Variants in KLHL11 observed in about 807,000 individuals in gnomAD.
KLHL11 encodes kelch-like protein 11.
In KLHL11, 26 loss-of-function variants were observed where a neutral mutation model predicts 56.1. The observed-to-expected ratio is 0.46, with a 90% CI of 0.34 to 0.64. The LOEUF is 0.64. KLHL11 is among the 30% of genes least tolerant of loss of function. The pLI is 0.01. For synonymous variants in KLHL11, 338 were observed against 345.8 expected, an observed-to-expected ratio of 0.98 and a Z score of 0.25; for missense variants, 627 against 919.4, an observed-to-expected ratio of 0.68 and a Z score of 4.11.
chr17:41,855,401 C>T, intron 1 of KLHL11, 80 bp from the exon 2 acceptor site: 1 of 1,063,740 alleles, frequency 9.4e-7, no homozygotes, highest in Non-Finnish European at 1.3e-6. Flanking sequence ...TTTTTTGAGA[C>T]AGGGTCTCAC....
At chr17:41,861,686 C>CAAAAAAAAAAAAA (rs71155178) in intron 1 of KLHL11, among the ~76,000 whole-genome samples, 1 of 61,870 alleles carries the variant, frequency 1.6e-5, no homozygotes, top group African/African-American at 6.6e-5. Flanking sequence ...ACTCTTGTCT[C>CAAAAAAAAAAAAA]AAAAAAAAAA....
rs2048358612 is a variant in KLHL11 at position 41,855,421 on chromosome 17, C to T, written c.546-100G>A. ...TGAGACAGGGTCTCACTCTGCCACC[C>T]AGGTTGGAGTGCAGTGGCGTGATCT... On this transcript the variant is annotated intron_variant, in intron 1 of 1. Transcript: ENST00000319121. 1.8e-5 allele frequency: 15 copies of T among 845,234 alleles called. No homozygotes were observed. The East Asian group carries it at 4.0e-4, about 22-fold the overall frequency. 52.4% of individuals were successfully genotyped at this position (845,234 alleles called of 1,614,324 possible). A position where few individuals can be genotyped will look rare whatever the true frequency, so the allele number is the denominator to read the frequency against.
At chr17:41,858,419 TG>T (rs1373274821) in intron 1 of KLHL11, among the ~76,000 whole-genome samples, 14 of 97,276 alleles carry the variant, frequency 1.4e-4, no homozygotes, top group Non-Finnish European at 2.9e-4. Flanking sequence ...TTGTTGTTGT[TG>T]TTGTTGTTGT....
Position 41,854,699 on chromosome 17 carries a change from G to T in KLHL11, c.1168C>A (p.Leu390Met). The T allele has an allele frequency of 1.9e-6, 3 of 1,614,054 alleles. No individual in the cohort carries two copies. The highest frequency in any genetic ancestry group is 2.2e-5 in the East Asian group (1 of 44,876). ...YFVDEDRWVN[L>M]PHIHNHLDGH... is the part of the protein sequence containing the mutation. ...TCGAGGTGATTATGAATATGTGGCA[G>T]ATTTACCCATCTGTCCTCATCAACA... The change falls in exon 2 of 2, where the codon CTG becomes ATG. Residue 390 changes from leucine (L) to methionine (M), a missense_variant. By Grantham distance (15) the Leu-to-Met change is conservative. Coordinates refer to ENST00000319121, the MANE Select transcript of KLHL11 (RefSeq NM_018143.3). The surrounding 1 kb of genome is among the most constrained non-coding windows in gnomAD (Gnocchi z 4.9).
chr17:41,853,897 C>G lies in KLHL11; in HGVS notation c.1970G>C (p.Cys657Ser), dbSNP rs781940858. 6.2e-6 allele frequency: 10 copies of G among 1,614,182 alleles called. No homozygotes were observed. The highest frequency in any genetic ancestry group is 8.5e-6 in the Non-Finnish European group (10 of 1,180,038). ...GTACCGGTATGGGATCCTCACGTGA[C>G]AAGCAGTGGCTCTACAACGAGGTTG... ...MPQPRCRATACHVRIPYRYLH... is the reference protein window; with the variant it reads ...MPQPRCRATASHVRIPYRYLH... The change falls in exon 2 of 2, where the codon TGT (cysteine) becomes TCT (serine). Residue 657 changes from cysteine (C) to serine (S), a missense_variant. This residue lies in a region of KLHL11 where 250 missense variants were observed against 360.6 expected (regional missense o/e 0.69). Transcript: ENST00000319121.
chr17:41,858,146 C>T (rs894902444), intron 1 of KLHL11, among the ~76,000 whole-genome samples: 2 of 151,378 alleles, frequency 1.3e-5, no homozygotes, highest in Non-Finnish European at 2.9e-5. Flanking sequence ...TTAATTTGTC[C>T]TTGGCAAAGG....
At chr17:41,855,873 C>A (rs561424635) in intron 1 of KLHL11, among the ~76,000 whole-genome samples, 23 of 147,660 alleles carry the variant, frequency 1.6e-4, no homozygotes, top group African/African-American at 5.8e-4. Context: ...ACAGGGTTCA[C>A]CATATTGGCC....
chr17:41,861,498 C>T (rs918851184), intron 1 of KLHL11, among the ~76,000 whole-genome samples: 1 of 151,958 alleles, frequency 6.6e-6, no homozygotes, highest in Middle Eastern at 3.4e-3. Context: ...CCAGCCTGGC[C>T]GATACAGTGA....
chr17:41,859,489 C>T (rs1164441129), intron 1 of KLHL11, among the ~76,000 whole-genome samples: 2 of 151,680 alleles, frequency 1.3e-5, no homozygotes, highest in Non-Finnish European at 1.5e-5. Flanking sequence ...CGCTTGAACC[C>T]GGGAGGTGGA....
In KLHL11 at chr17:41,855,077, C is replaced by A; in HGVS notation, c.790G>T (p.Glu264Ter). Residue 264 changes from glutamate to a stop codon, truncating the protein, a stop_gained, in exon 2 of 2, where the codon GAG becomes TAG. Transcript: ENST00000319121. LOFTEE classifies it high-confidence loss of function. ...TTCAAAACGGTTTCAAAGAGAACCT[C>A]TTCAGAATCAACTGTAATTTCCAAA... is the stretch of plus-strand genomic sequence containing the variant. ...SDLEITVDSEEVLFETVLKWV... is the reference protein window; with the variant it reads ...SDLEITVDSE 6.2e-7 allele frequency: 1 copy of A among 1,614,186 alleles called. No homozygotes were observed. Among genetic ancestry groups the A allele is most frequent in the Non-Finnish European group, 8.5e-7 (1 of 1,180,036 alleles).
Position 41,852,243 on chromosome 17 carries a change from T to C in KLHL11, c.*1497A>G, listed in dbSNP as rs2048336037. On this transcript the variant is annotated 3_prime_UTR_variant, in exon 2 of 2. Coordinates refer to ENST00000319121, the MANE Select transcript of KLHL11 (RefSeq NM_018143.3). ...TGTTTCCCAGGCTGGTCTTGAACTC[T>C]TGGGCTCAAAATCTGCCCACCTCAG... Among the ~76,000 whole-genome samples the C allele has an allele frequency of 6.6e-6, 1 of 151,936 alleles. No individual in the cohort carries two copies. Among genetic ancestry groups the C allele is most frequent in the South Asian group, 2.1e-4 (1 of 4,816 alleles).
intron 1 of KLHL11, among the ~76,000 whole-genome samples, chr17:41,856,848 T>C (rs1555622600): frequency 6.6e-6 from 1 of 151,554 alleles, no homozygotes; most frequent in Non-Finnish European, 1.5e-5. Flanking sequence ...GGTGAAACCT[T>C]GTCTCTAATA....
chr17:41,854,003 C>T lies in KLHL11; in HGVS notation c.1864G>A (p.Asp622Asn), dbSNP rs2048348317. The stretch of plus-strand genomic sequence containing the variant: ...TCTTTCCGATACTGTTTATCAATAT[C>T]ATCACTGTTTTTCCAGCCTCCTATA... ...FIIGGWKNSD[D>N]IDKQYRKEAY... is the part of the protein sequence containing the mutation. Residue 622 changes from aspartate to asparagine, a missense_variant, in exon 2 of 2, where the codon GAT becomes AAT. By Grantham distance (23) the Asp-to-Asn change is conservative. This residue lies in a region of KLHL11 where 250 missense variants were observed against 360.6 expected (regional missense o/e 0.69). Transcript: ENST00000319121. The surrounding 1 kb of genome is among the most constrained non-coding windows in gnomAD (Gnocchi z 4.9). 2 of 1,614,174 alleles carry T rather than the reference C, an allele frequency of 1.2e-6. No individual in the cohort carries two copies. The highest frequency in any genetic ancestry group is 1.7e-6 in the Non-Finnish European group (2 of 1,180,022).
rs1438558686 is a variant in KLHL11 at position 41,852,992 on chromosome 17, T to C, written c.*748A>G. 4.6e-5 allele frequency among the ~76,000 whole-genome samples: 7 copies of C among 152,240 alleles called. No individual in the cohort carries two copies. The highest frequency in any genetic ancestry group is 1.7e-4 in the African/African-American group (7 of 41,466). On this transcript the variant is annotated 3_prime_UTR_variant, in exon 2 of 2. Transcript: ENST00000319121. ...CAGTCTACACTAATACTTTTCTTCT[T>C]AGAGAAACAAAGTTCACACATGTAA...
At chr17:41,856,197 GC>G (rs1162457704) in intron 1 of KLHL11, among the ~76,000 whole-genome samples, 2 of 151,938 alleles carry the variant, frequency 1.3e-5, no homozygotes, top group East Asian at 3.9e-4. Context: ...CACCATGTTG[GC>G]CAGGCTGGTC....
In KLHL11 at chr17:41,852,689, G is replaced by A. The variant is rs2048338843; in HGVS notation, c.*1051C>T. Among the ~76,000 whole-genome samples the A allele has an allele frequency of 6.6e-6, 1 of 151,368 alleles. No individual in the cohort carries two copies. Among genetic ancestry groups the A allele is most frequent in the Admixed American group, 6.6e-5 (1 of 15,172 alleles). On this transcript the variant is annotated 3_prime_UTR_variant, in exon 2 of 2. Transcript: ENST00000319121. ...ACCTGTAATCCCAGCTACTCGGGAT[G>A]CTGAGGCAAGAGAATCACTCGAACC...
Position 41,858,526 on chromosome 17 carries a change from G to A in KLHL11, c.546-3205C>T, listed in dbSNP as rs191730817. ...TGGCTCACTGCAACCTCCGCCTCCCGGGTTCAAGCGATTCTCCTGCCTCAG... is the reference window on the plus strand; with the variant it reads ...TGGCTCACTGCAACCTCCGCCTCCCAGGTTCAAGCGATTCTCCTGCCTCAG... On this transcript the variant is annotated intron_variant, in intron 1 of 1. Coordinates refer to ENST00000319121, the MANE Select transcript of KLHL11 (RefSeq NM_018143.3). Among the ~76,000 whole-genome samples, 271 of 151,672 alleles carry A rather than the reference G, an allele frequency of 1.8e-3. 4 individuals carry two copies. Among genetic ancestry groups the A allele is most frequent in the African/African-American group, 6.2e-3 (258 of 41,346 alleles).
rs782114463 is a variant in KLHL11, at chr17:41,854,202, A to G, written c.1665T>C (p.Asn555=). 1 of 1,614,198 alleles carries G rather than the reference A, an allele frequency of 6.2e-7. No homozygotes were observed. The change falls in exon 2 of 2, where the codon AAT becomes AAC. Residue 555 remains asparagine (N), a synonymous_variant. Transcript: ENST00000319121. The surrounding 1 kb of genome is among the most constrained non-coding windows in gnomAD (Gnocchi z 4.9). ...NYCFFQMSVV[N]SNFYQTASCC... ...ATGATGCTGTCTGATAAAAGTTTGA[A>G]TTGACCACAGACATTTGGAAAAAGC...
chr17:41,856,332 G>A (rs1047445558), intron 1 of KLHL11, among the ~76,000 whole-genome samples: 2 of 151,912 alleles, frequency 1.3e-5, no homozygotes, highest in Non-Finnish European at 2.9e-5. Flanking sequence ...TGTAGAGATG[G>A]GGTCTCACTA....
Sources: gnomAD v4.1 joint callset for allele counts (sites outside exome capture counted in the v4.1 genomes callset) on GRCh38, gnomAD v4.1.1 for gene constraint, gnomAD v4.1.1 regional missense constraint, Gnocchi (gnomAD v3.1) non-coding constraint, MANE v1.5 for transcripts, NCBI Gene and HGNC (gene_info 2026-07-23, HGNC 2026-07-21) for gene names.